KCNN2: variants seen among roughly 807,000 people sequenced by gnomAD.
The protein encoded by KCNN2 is small conductance calcium-activated potassium channel protein 2.
A neutral mutation model predicts 55.5 loss-of-function variants in KCNN2; 24 were observed. That is an observed-to-expected ratio of 0.43 (90% CI 0.31 to 0.61). KCNN2 has a LOEUF of 0.61. Among genes scored for constraint, KCNN2 ranks in the 20% least tolerant of loss-of-function variants. The probability of loss-of-function intolerance (pLI) is 0.08; values close to 1 mark genes in which losing one functional copy is unlikely to be tolerated. For missense variants in KCNN2, 754 were observed against 853.6 expected, an observed-to-expected ratio of 0.88 and a Z score of 1.45; for synonymous variants, 431 against 336.1, an observed-to-expected ratio of 1.28 and a Z score of -3.09.
chr5:114,279,550 G>A (rs1044553850), intron 2 of KCNN2, among the ~76,000 whole-genome samples: 1 of 152,094 alleles, frequency 6.6e-6, no homozygotes, highest in Admixed American at 6.6e-5. Context: ...AACATGTGGT[G>A]TTTGGTTTTC....
At chr5:114,256,180 G>A (rs909875746) in intron 2 of KCNN2, among the ~76,000 whole-genome samples, 5 of 152,038 alleles carry the variant, frequency 3.3e-5, no homozygotes, top group Non-Finnish European at 4.4e-5. Flanking sequence ...ATGTGACTTC[G>A]TTATTTTTCA....
At chr5:114,086,707 T>C (rs1258197553) in intron 1 of KCNN2, among the ~76,000 whole-genome samples, 2 of 152,108 alleles carry the variant, frequency 1.3e-5, no homozygotes, top group Admixed American at 1.3e-4. Flanking sequence ...GTTGATTCCA[T>C]GTCTTTGCTA....
At chr5:114,382,642 A>G (rs911464896) in intron 2 of KCNN2, among the ~76,000 whole-genome samples, 21 of 152,236 alleles carry the variant, frequency 1.4e-4, no homozygotes, top group African/African-American at 4.6e-4. Context: ...CACCCAAGAC[A>G]ATACTACTTT....
At chr5:114,486,756 T>G in intron 5 of KCNN2, 6 of 1,301,856 alleles carry the variant, frequency 4.6e-6, no homozygotes, top group Non-Finnish European at 6.0e-6. Context: ...CAACACCCCT[T>G]GATTAAAAAA....
chr5:114,231,788 A>G (rs1473744987), intron 2 of KCNN2, among the ~76,000 whole-genome samples: 1 of 150,902 alleles, frequency 6.6e-6, no homozygotes. Context: ...AACTATGTCC[A>G]TCACTAGATG....
intron 2 of KCNN2, among the ~76,000 whole-genome samples, chr5:114,321,222 C>G (rs150635868): frequency 2.0e-5 from 3 of 152,324 alleles, no homozygotes; most frequent in Non-Finnish European, 4.4e-5. Flanking sequence ...GTTCTTCTCT[C>G]TCCTTACCTT....
intron 1 of KCNN2, among the ~76,000 whole-genome samples, chr5:114,064,212 T>C (rs1335889999): frequency 6.6e-6 from 1 of 152,224 alleles, no homozygotes; most frequent in Non-Finnish European, 1.5e-5. Flanking sequence ...TGGCAGCTAC[T>C]AGTGCCTCTC....
chr5:114,148,340 T>C (rs925682743), intron 1 of KCNN2, among the ~76,000 whole-genome samples: 5 of 152,150 alleles, frequency 3.3e-5, no homozygotes, highest in Admixed American at 6.5e-5. Context: ...TTCCTGACTT[T>C]TTTTGTGCAA....
At position 114,436,982 on chromosome 5, in the gene KCNN2, C is replaced by T. The variant is rs1026301266; in HGVS notation, c.1638-26067C>T. ...AGCTAGAGGCTACCATATTGGACAG[C>T]ACAGATTTAGGTTTTATTTGTGGGT... On this transcript the variant is annotated intron_variant, in intron 3 of 7. Coordinates refer to ENST00000673685, the MANE Select transcript of KCNN2 (RefSeq NM_021614.4). Among the ~76,000 whole-genome samples the T allele has an allele frequency of 2.6e-5, 4 of 152,100 alleles. No homozygotes were observed. In the South Asian group the frequency reaches 8.3e-4, roughly 32 times the overall value.
intron 1 of KCNN2, among the ~76,000 whole-genome samples, chr5:114,077,550 C>G (rs947352529): frequency 3.3e-5 from 5 of 152,236 alleles, no homozygotes; most frequent in Non-Finnish European, 1.5e-5. Flanking sequence ...CAGCTCTTCT[C>G]TCTTCTGCAC....
At chr5:114,454,552 A>ATT (rs1185263033) in intron 3 of KCNN2, among the ~76,000 whole-genome samples, 4 of 152,174 alleles carry the variant, frequency 2.6e-5, no homozygotes, top group African/African-American at 9.7e-5. Flanking sequence ...TCTCTGTATT[A>ATT]TCAAATTCTA....
chr5:114,166,704 T>A (rs1318091329), intron 1 of KCNN2, among the ~76,000 whole-genome samples: 1 of 152,120 alleles, frequency 6.6e-6, no homozygotes. Context: ...CACATGTAGA[T>A]GTTTGCTATG....
intron 2 of KCNN2, among the ~76,000 whole-genome samples, chr5:114,254,209 A>G (rs1328770651): frequency 6.6e-6 from 1 of 152,218 alleles, no homozygotes; most frequent in Non-Finnish European, 1.5e-5. Flanking sequence ...ATGAAAAACA[A>G]TACGAAAAGA....
At chr5:114,146,985 G>C (rs1485134247) in intron 1 of KCNN2, among the ~76,000 whole-genome samples, 3 of 152,138 alleles carry the variant, frequency 2.0e-5, no homozygotes, top group African/African-American at 7.2e-5. Context: ...TGTTTCTATT[G>C]CCTTAGTGAC....
At chr5:114,495,764 G>T in intron 7 of KCNN2, 131 bp from the exon 8 acceptor site, 1 of 764,590 alleles carries the variant, frequency 1.3e-6, no homozygotes. Flanking sequence ...TGCAAGATGA[G>T]CTGTTCAGTT....
chr5:114,281,902 T>C (rs1755632736), intron 2 of KCNN2, among the ~76,000 whole-genome samples: 1 of 152,092 alleles, frequency 6.6e-6, no homozygotes, highest in Non-Finnish European at 1.5e-5. Context: ...TCATATTTCT[T>C]TGTAAATACT....
intron 1 of KCNN2, among the ~76,000 whole-genome samples, chr5:114,203,658 C>G (rs565958026): frequency 3.3e-5 from 5 of 152,230 alleles, no homozygotes; most frequent in African/African-American, 1.2e-4. Context: ...GGACCTCATC[C>G]CTGGGCCTAT....
intron 2 of KCNN2, among the ~76,000 whole-genome samples, chr5:114,234,842 C>T (rs1754441336): frequency 6.6e-6 from 1 of 152,084 alleles, no homozygotes; most frequent in African/African-American, 2.4e-5. Flanking sequence ...AAGGGAATGG[C>T]CTCTTTAAAT....
chr5:114,162,970 C>T (rs1752821895), intron 1 of KCNN2, among the ~76,000 whole-genome samples: 1 of 152,180 alleles, frequency 6.6e-6, no homozygotes, highest in Admixed American at 6.5e-5. Context: ...GATGCCTCTC[C>T]CTGCTTCGGC....
Sources: allele counts gnomAD v4.1 joint callset (sites outside exome capture counted in the v4.1 genomes callset), GRCh38; gene constraint gnomAD v4.1.1; transcripts MANE v1.5; gene names NCBI Gene and HGNC (gene_info 2026-07-23, HGNC 2026-07-21).